The following CNNM1 variants were observed in gnomAD, a reference collection of about 807,000 sequenced individuals.
CNNM1 encodes the protein metal transporter CNNM1.
CNNM1 carries 44 observed loss-of-function variants against 78.8 expected under a neutral mutation model. That is an observed-to-expected ratio of 0.56 (90% CI 0.44 to 0.72). The LOEUF (loss-of-function observed/expected upper bound fraction) is 0.72. Among genes scored for constraint, CNNM1 ranks in the 30% least tolerant of loss-of-function variants. CNNM1 has a pLI of 0.00. For synonymous variants in CNNM1, 584 were observed against 581.5 expected (o/e 1.00, Z -0.06); for missense variants, 1,101 against 1,292.2 (o/e 0.85, Z 2.27).
intron 1 of CNNM1, among the ~76,000 whole-genome samples, chr10:99,343,439 T>C (rs1190010647): frequency 6.6e-6 from 1 of 152,240 alleles, no homozygotes; most frequent in African/African-American, 2.4e-5. Context: ...TAGTAATTCA[T>C]TGTGTGCCCA....
chr10:99,359,719 T>C (rs2031361957), intron 2 of CNNM1, among the ~76,000 whole-genome samples: 1 of 152,108 alleles, frequency 6.6e-6, no homozygotes, highest in African/African-American at 2.4e-5. Context: ...CAGGGGTTCA[T>C]TCCCTTTCAT....
In CNNM1 at chr10:99,330,308, G is replaced by A. The variant is rs764454976; in HGVS notation, c.921G>A (p.Pro307=). ...LAGWLYTSLP[P]GFGGTGEDYS... is the part of the protein sequence containing the mutation. Reference sequence around the variant, plus strand: ...GCTGGCTGTACACCTCGCTGCCGCCGGGCTTCGGGGGCACCGGGGAAGACT... The same window carrying A: ...GCTGGCTGTACACCTCGCTGCCGCCAGGCTTCGGGGGCACCGGGGAAGACT... The change falls in exon 1 of 11, where the codon CCG becomes CCA. Residue 307 remains proline (P), a synonymous_variant. Coordinates refer to ENST00000356713, the MANE Select transcript of CNNM1 (RefSeq NM_020348.3). 4.0e-5 allele frequency: 63 copies of A among 1,590,144 alleles called. No individual in the cohort carries two copies. Among genetic ancestry groups the A allele is most frequent in the Non-Finnish European group, 4.9e-5 (57 of 1,168,938 alleles).
chr10:99,380,889 A>G (rs2032125772), intron 7 of CNNM1, among the ~76,000 whole-genome samples: 1 of 152,176 alleles, frequency 6.6e-6, no homozygotes, highest in Non-Finnish European at 1.5e-5. Flanking sequence ...ATCACAAGGA[A>G]CATAAAAGTC....
intron 10 of CNNM1, among the ~76,000 whole-genome samples, chr10:99,391,131 A>G (rs1180466667): frequency 2.0e-5 from 3 of 152,244 alleles, no homozygotes; most frequent in Admixed American, 1.3e-4. Context: ...CAAGGGGCGC[A>G]GGAGGCATGG....
chr10:99,332,878 T>A (rs938073886), intron 1 of CNNM1, among the ~76,000 whole-genome samples: 2 of 152,228 alleles, frequency 1.3e-5, no homozygotes, highest in African/African-American at 4.8e-5. Context: ...TAGTTCCCAC[T>A]GCAACTTGAG....
intron 1 of CNNM1, among the ~76,000 whole-genome samples, chr10:99,345,714 C>G (rs1430624639): frequency 6.6e-6 from 1 of 152,192 alleles, no homozygotes; most frequent in Admixed American, 6.5e-5. Flanking sequence ...TCTGAGAGGC[C>G]TGAGCTTAAT....
chr10:99,371,764 T>TGGTGTTC (rs2134062713), intron 6 of CNNM1, among the ~76,000 whole-genome samples: 1 of 152,268 alleles, frequency 6.6e-6, no homozygotes, highest in East Asian at 1.9e-4. Context: ...CAGCTGGCTT[T>TGGTGTTC]GGTGTTCGGT....
At chr10:99,342,579 A>T (rs1027019356) in intron 1 of CNNM1, among the ~76,000 whole-genome samples, 1 of 152,140 alleles carries the variant, frequency 6.6e-6, no homozygotes, top group African/African-American at 2.4e-5. Context: ...TGTTTTTCCA[A>T]ATCAAGGCGG....
chr10:99,381,688 G>A (rs989617314), intron 7 of CNNM1, among the ~76,000 whole-genome samples: 4 of 151,240 alleles, frequency 2.6e-5, no homozygotes, highest in African/African-American at 9.7e-5. Flanking sequence ...GTTGCGGTGA[G>A]CCGAGATCGG....
chr10:99,343,258 C>G (rs369598101), intron 1 of CNNM1, among the ~76,000 whole-genome samples: 3 of 152,030 alleles, frequency 2.0e-5, no homozygotes, highest in Admixed American at 2.0e-4. Flanking sequence ...CCACCGTGAC[C>G]GCCCGGCATG....
intron 1 of CNNM1, among the ~76,000 whole-genome samples, chr10:99,352,564 T>G (rs1158644528): frequency 2.0e-5 from 3 of 152,236 alleles, no homozygotes; most frequent in African/African-American, 4.8e-5. Context: ...TGCCATCTTG[T>G]GGGTATAAAG....
intron 1 of CNNM1, among the ~76,000 whole-genome samples, chr10:99,335,348 T>C (rs912641441): frequency 2.6e-5 from 4 of 152,222 alleles, no homozygotes; most frequent in African/African-American, 9.6e-5. Context: ...AGTGTGAGGT[T>C]TACAAAAGGG....
intron 1 of CNNM1, among the ~76,000 whole-genome samples, chr10:99,348,903 A>AAACG (rs1484622021): frequency 6.6e-6 from 1 of 151,774 alleles, no homozygotes; most frequent in Non-Finnish European, 1.5e-5. Context: ...ACAAACAAAC[A>AAACG]AACAAATAAA....
At chr10:99,349,183 G>A (rs189540997) in intron 1 of CNNM1, among the ~76,000 whole-genome samples, 2 of 152,304 alleles carry the variant, frequency 1.3e-5, no homozygotes, top group Admixed American at 6.5e-5. Flanking sequence ...CAAGAGAGAT[G>A]AGCGGAAGAT....
Position 99,330,476 on chromosome 10 carries a change from G to C in CNNM1, c.1089G>C (p.Arg363=). ...CCTCGCACAGCGTGTGCCTGACCCG[G>C]CTTCTGATGGCAGCCGCCTTCCCCG... ...AIASHSVCLT[R]LLMAAAFPVC... Residue 363 remains arginine, a synonymous_variant, in exon 1 of 11, where the codon CGG becomes CGC. Transcript: ENST00000356713. 1 of 1,586,534 alleles carries C rather than the reference G, an allele frequency of 6.3e-7. No homozygotes were observed.
rs755253634 is a variant in CNNM1 at position 99,329,936 on chromosome 10, C to T, written c.549C>T (p.Leu183=). ...ERGGAGGGGK[L]FSLCAWDGRA... Reference sequence around the variant, plus strand: ...GCGGCGCGGGCGGTGGCGGGAAGCTCTTTTCACTCTGCGCCTGGGATGGGC... The same window carrying T: ...GCGGCGCGGGCGGTGGCGGGAAGCTTTTTTCACTCTGCGCCTGGGATGGGC... The change falls in exon 1 of 11, where the codon CTC becomes CTT. Residue 183 remains leucine, a synonymous_variant. Transcript: ENST00000356713. The T allele has an allele frequency of 5.0e-6, 7 of 1,386,864 alleles. No individual in the cohort carries two copies. The East Asian group carries it at 1.8e-4, about 35-fold the overall frequency. The allele number at this position is 1,386,864 out of a possible 1,614,324, so 85.9% of individuals were successfully genotyped here. A position where few individuals can be genotyped will look rare whatever the true frequency, so the allele number is the denominator to read the frequency against.
Position 99,330,506 on chromosome 10 carries a change from C to T in CNNM1, c.1119C>T (p.Cys373=). ...TGATGGCAGCCGCCTTCCCCGTGTG[C>T]TACCCGCTGGGCCGCCTGCTGGACT... is the stretch of plus-strand genomic sequence containing the variant. ...RLLMAAAFPV[C]YPLGRLLDWA... is the part of the protein sequence containing the mutation. The change falls in exon 1 of 11, where the codon TGC becomes TGT. Residue 373 remains cysteine (C), a synonymous_variant. Coordinates refer to ENST00000356713, the MANE Select transcript of CNNM1 (RefSeq NM_020348.3). 6.3e-7 allele frequency: 1 copy of T among 1,584,898 alleles called. No homozygotes were observed. Among genetic ancestry groups the T allele is most frequent in the Non-Finnish European group, 8.6e-7 (1 of 1,166,258 alleles).
At chr10:99,372,377 G>A (rs147161582) in intron 6 of CNNM1, among the ~76,000 whole-genome samples, 134 of 152,256 alleles carry the variant, frequency 8.8e-4, no homozygotes, top group Middle Eastern at 3.4e-3. Flanking sequence ...CCCATCACCC[G>A]GTTACACCTG....
chr10:99,333,653 T>A (rs2030033990), intron 1 of CNNM1, among the ~76,000 whole-genome samples: 1 of 152,176 alleles, frequency 6.6e-6, no homozygotes, highest in African/African-American at 2.4e-5. Flanking sequence ...CCTCATTTAG[T>A]ATTTTTTAAA....
Sources: allele counts gnomAD v4.1 joint callset (sites outside exome capture counted in the v4.1 genomes callset), GRCh38; gene constraint gnomAD v4.1.1; transcripts MANE v1.5; gene names NCBI Gene and HGNC (gene_info 2026-07-23, HGNC 2026-07-21).